PLSCR2: variants seen among roughly 807,000 people sequenced by gnomAD.
PLSCR2 encodes the protein PL scramblase 2.
Under a neutral mutation model 25.3 loss-of-function variants are expected in PLSCR2, and 18 were observed. That is an observed-to-expected ratio of 0.71 (90% confidence interval 0.49 to 1.06). The LOEUF is 1.06. Among genes scored for constraint, PLSCR2 ranks in the 50% least tolerant of loss-of-function variants. PLSCR2 has a pLI of 0.00. For missense variants in PLSCR2, 243 were observed against 269.5 expected (o/e 0.90, Z 0.69); for synonymous variants, 88 against 87.3 (o/e 1.01, Z -0.04).
intron 1 of PLSCR2, among the ~76,000 whole-genome samples, chr3:146,471,139 A>G (rs1272152468): frequency 6.6e-6 from 1 of 152,134 alleles, no homozygotes; most frequent in African/African-American, 2.4e-5. Flanking sequence ...CTATCCCTCT[A>G]ATACAGAACT....
downstream of PLSCR2, chr3:146,441,687 A>T (rs1001987974): frequency 7.9e-6 from 6 of 756,504 alleles, no homozygotes; most frequent in Non-Finnish European, 1.3e-5. Context: ...TAAAGAAAAG[A>T]AAAAAACACT....
intron 1 of PLSCR2, among the ~76,000 whole-genome samples, chr3:146,477,910 GCTGTTCTGCAATATTTA>G (rs2042979491): frequency 6.6e-6 from 1 of 152,274 alleles, no homozygotes; most frequent in Admixed American, 6.5e-5. Context: ...AGCAATATTT[GCTGTTCTGCAATATTTA>G]CTGTTCTGCA....
chr3:146,397,627 A>G (rs1018311151), intron 2 of PLSCR2, among the ~76,000 whole-genome samples: 1 of 152,142 alleles, frequency 6.6e-6, no homozygotes, highest in African/African-American at 2.4e-5. Context: ...CAGAAAAAAT[A>G]GGAAGTGTTT....
At chr3:146,401,624 T>A (rs1317828109) in intron 2 of PLSCR2, 1 of 152,542 alleles carries the variant, frequency 6.6e-6, no homozygotes, top group Non-Finnish European at 1.5e-5. Context: ...TAAACAGGTA[T>A]CAAATTACCT....
intron 1 of PLSCR2, among the ~76,000 whole-genome samples, chr3:146,466,180 T>C (rs2041856091): frequency 6.6e-6 from 1 of 152,216 alleles, no homozygotes; most frequent in Non-Finnish European, 1.5e-5. Flanking sequence ...TGTTTGTCTT[T>C]TGGTTTTATT....
chr3:146,444,647 A>G (rs2108269584), intron 6 of PLSCR2, among the ~76,000 whole-genome samples: 1 of 151,532 alleles, frequency 6.6e-6, no homozygotes, highest in East Asian at 2.0e-4. Flanking sequence ...GTGTCTTTAG[A>G]GGTGAAGTGT....
chr3:146,456,970 A>C (rs1372319462), intron 3 of PLSCR2, among the ~76,000 whole-genome samples: 1 of 152,090 alleles, frequency 6.6e-6, no homozygotes, highest in Non-Finnish European at 1.5e-5. Context: ...TGGATTTTAT[A>C]ATCTTAATTA....
chr3:146,480,985 C>T (rs1318338014), intron 1 of PLSCR2, among the ~76,000 whole-genome samples: 3 of 152,112 alleles, frequency 2.0e-5, no homozygotes, highest in Non-Finnish European at 4.4e-5. Flanking sequence ...ACAAAAAACA[C>T]ATGATTAGCT....
At chr3:146,435,613 G>A (rs1257803315) in intron 8 of PLSCR2, among the ~76,000 whole-genome samples, 1 of 152,084 alleles carries the variant, frequency 6.6e-6, no homozygotes, top group African/African-American at 2.4e-5. Context: ...ACTTTTTGAT[G>A]GGATTGTTTG....
At chr3:146,438,043 T>C (rs1026738824), downstream of PLSCR2, among the ~76,000 whole-genome samples, 14 of 152,246 alleles carry the variant, frequency 9.2e-5, no homozygotes. Context: ...CCAGTAGTCA[T>C]TCAGGAGCAG....
intron 1 of PLSCR2, among the ~76,000 whole-genome samples, chr3:146,476,887 G>A (rs947334617): frequency 2.0e-5 from 3 of 152,254 alleles, no homozygotes. Flanking sequence ...GGGAAGGATA[G>A]TCATGGTCTC....
At chr3:146,409,279 T>C (rs1034528044) in intron 2 of PLSCR2, among the ~76,000 whole-genome samples, 2 of 151,992 alleles carry the variant, frequency 1.3e-5, no homozygotes, top group Admixed American at 1.3e-4. Flanking sequence ...ACAGGGGGTG[T>C]CATCGAGGAG....
At chr3:146,436,874 C>T (rs1315290617), downstream of PLSCR2, among the ~76,000 whole-genome samples, 3 of 152,078 alleles carry the variant, frequency 2.0e-5, no homozygotes, top group Non-Finnish European at 4.4e-5. Context: ...GGAATGCTTC[C>T]AGTTTTTGCC....
chr3:146,426,277 T>C (rs12487572), intron 2 of PLSCR2, among the ~76,000 whole-genome samples: 72,486 of 145,600 alleles, frequency 0.5, 18,747 homozygotes, highest in South Asian at 0.72. Context: ...TTCCTTCTTT[T>C]CTTCCTTCCT....
chr3:146,414,187 A>G (rs950956365), intron 2 of PLSCR2, among the ~76,000 whole-genome samples: 3 of 152,212 alleles, frequency 2.0e-5, no homozygotes, highest in African/African-American at 7.2e-5. Context: ...TAATTCATAC[A>G]TAAGGGCAGA....
chr3:146,459,543 C>T (rs1039391071), intron 2 of PLSCR2, among the ~76,000 whole-genome samples: 2 of 152,156 alleles, frequency 1.3e-5, no homozygotes, highest in South Asian at 4.1e-4. Flanking sequence ...TGAGGTAATA[C>T]ATGTATTATG....
chr3:146,428,762 C>G (rs773891420), downstream of PLSCR2, among the ~76,000 whole-genome samples: 2 of 152,172 alleles, frequency 1.3e-5, no homozygotes, highest in Non-Finnish European at 2.9e-5. Flanking sequence ...AGAATCATTC[C>G]TTAGTTTGGC....
chr3:146,481,177 C>A (rs2043116492), intron 1 of PLSCR2, among the ~76,000 whole-genome samples: 1 of 152,154 alleles, frequency 6.6e-6, no homozygotes, highest in Non-Finnish European at 1.5e-5. Flanking sequence ...TGGCACAAGA[C>A]AATGATGCCC....
intron 4 of PLSCR2, among the ~76,000 whole-genome samples, chr3:146,454,437 T>C (rs2041081049): frequency 6.6e-6 from 1 of 152,222 alleles, no homozygotes; most frequent in African/African-American, 2.4e-5. Context: ...CAATTCATTA[T>C]AAATAACTTC....
Sources: gnomAD v4.1 joint callset for allele counts (sites outside exome capture counted in the v4.1 genomes callset) on GRCh38, gnomAD v4.1.1 for gene constraint, MANE v1.5 for transcripts, NCBI Gene and HGNC (gene_info 2026-07-23, HGNC 2026-07-21) for gene names.